Variants in NOS1AP observed in about 807,000 individuals in gnomAD.
NOS1AP encodes nitric oxide synthase 1 adaptor protein.
NOS1AP carries 21 observed loss-of-function variants against 56.2 expected under a neutral mutation model. The observed-to-expected ratio is 0.37, with a 90% CI of 0.26 to 0.54. NOS1AP has a LOEUF of 0.54. NOS1AP is among the 20% of genes least tolerant of loss of function. NOS1AP has a pLI of 0.84. For missense variants in NOS1AP, 522 were observed against 657.8 expected (o/e 0.79, Z 2.26); for synonymous variants, 270 against 274.6 (o/e 0.98, Z 0.17).
intron 2 of NOS1AP, among the ~76,000 whole-genome samples, chr1:162,202,447 A>G (rs10753771): frequency 0.46 from 70,339 of 151,996 alleles, 16,669 homozygotes; most frequent in South Asian, 0.62. Flanking sequence ...TTTGATGTAA[A>G]ATAAAAGGTG....
chr1:162,365,384 C>T lies in NOS1AP; in HGVS notation c.940-20C>T, dbSNP rs776565355. On this transcript the variant is annotated intron_variant, in intron 8 of 9. Transcript: ENST00000361897. ...TCTTCTCTCTGTCCTGTCTTCTCTG[C>T]CGCTGCCTCTTCTCTGCAGGTACAC... 146 of 1,613,942 alleles carry T rather than the reference C, an allele frequency of 9.0e-5. No homozygotes were observed. Among genetic ancestry groups the T allele is most frequent in the Non-Finnish European group, 1.2e-4 (139 of 1,180,022 alleles).
chr1:162,154,708 A>G (rs1397214954), intron 2 of NOS1AP, among the ~76,000 whole-genome samples: 1 of 152,124 alleles, frequency 6.6e-6, no homozygotes, highest in African/African-American at 2.4e-5. Flanking sequence ...CTCTCTTGTG[A>G]CCTGTAGCTC....
At chr1:162,217,826 A>C (rs1185710043) in intron 2 of NOS1AP, among the ~76,000 whole-genome samples, 6 of 152,176 alleles carry the variant, frequency 3.9e-5, no homozygotes, top group Non-Finnish European at 8.8e-5. Flanking sequence ...CTGGTTTATG[A>C]CCGAGACTGG....
intron 1 of NOS1AP, among the ~76,000 whole-genome samples, chr1:162,137,548 G>C (rs1420704202): frequency 3.3e-5 from 5 of 152,110 alleles, no homozygotes; most frequent in African/African-American, 9.7e-5. Context: ...GCACTTAGAA[G>C]TAAACCTCAG....
At position 162,209,035 on chromosome 1, in the gene NOS1AP, A is replaced by G. The variant is rs1468184415; in HGVS notation, c.177+54559A>G. Among the ~76,000 whole-genome samples the G allele has an allele frequency of 3.3e-5, 5 of 152,366 alleles. No individual in the cohort carries two copies. The East Asian group carries it at 5.8e-4, about 18-fold the overall frequency. ...TTCAGAATGCCAACACTGCAGGGGAATGAGCAAATTCTGCAACCCTTTTTC... is the reference window on the plus strand; with the variant it reads ...TTCAGAATGCCAACACTGCAGGGGAGTGAGCAAATTCTGCAACCCTTTTTC... On this transcript the variant is annotated intron_variant, in intron 2 of 9. Transcript: ENST00000361897.
chr1:162,259,146 C>T (rs1483468566), intron 2 of NOS1AP, among the ~76,000 whole-genome samples: 1 of 152,100 alleles, frequency 6.6e-6, no homozygotes, highest in Non-Finnish European at 1.5e-5. Context: ...AGCTTCTCTG[C>T]GACCACCCCG....
At chr1:162,189,374 A>AT (rs140883110) in intron 2 of NOS1AP, among the ~76,000 whole-genome samples, 1 of 152,192 alleles carries the variant, frequency 6.6e-6, no homozygotes, top group African/African-American at 2.4e-5. Context: ...AAAAACTGGT[A>AT]TTTTTTGTTA....
chr1:162,137,686 A>T (rs1207521423), intron 1 of NOS1AP, among the ~76,000 whole-genome samples: 1 of 151,804 alleles, frequency 6.6e-6, no homozygotes, highest in East Asian at 1.9e-4. Flanking sequence ...ACGGATGAAA[A>T]AACTCATGCC....
chr1:162,282,232 G>A (rs1356748064), intron 2 of NOS1AP, among the ~76,000 whole-genome samples: 3 of 152,122 alleles, frequency 2.0e-5, no homozygotes, highest in Non-Finnish European at 4.4e-5. Flanking sequence ...ATGAAACTCT[G>A]TACCTGTTAA....
intron 2 of NOS1AP, among the ~76,000 whole-genome samples, chr1:162,191,946 C>T (rs1651661341): frequency 6.6e-6 from 1 of 152,138 alleles, no homozygotes; most frequent in African/African-American, 2.4e-5. Flanking sequence ...TACTGCTACT[C>T]AGATAGGGAG....
In NOS1AP at chr1:162,217,267, C is replaced by CTTTTTTTTTTTTTTTTTTTTTTTTTTT. The variant is rs61378473; in HGVS notation, c.177+62805_177+62806insTTTTTTTTTTTTTTTTTTTTTTTTTTT. Among the ~76,000 whole-genome samples, 36 of 68,386 alleles carry CTTTTTTTTTTTTTTTTTTTTTTTTTTT rather than the reference C, an allele frequency of 5.3e-4. 10 individuals are homozygous for CTTTTTTTTTTTTTTTTTTTTTTTTTTT. Among genetic ancestry groups the CTTTTTTTTTTTTTTTTTTTTTTTTTTT allele is most frequent in the East Asian group, 2.2e-3 (4 of 1,838 alleles). The allele number at this position is 68,386 out of a possible 152,430, so 44.9% of individuals were successfully genotyped here. ...TGGGTCCTGAAACAGCTGTTGTTAG[C>CTTTTTTTTTTTTTTTTTTTTTTTTTTT]TTTTTTTTTTTTTTGAGATGAAGTC... is the stretch of plus-strand genomic sequence containing the variant. On this transcript the variant is annotated intron_variant, in intron 2 of 9. Coordinates refer to ENST00000361897, the MANE Select transcript of NOS1AP (RefSeq NM_014697.3).
At chr1:162,317,366 A>G (rs911815919) in intron 4 of NOS1AP, 5 of 152,214 alleles carry the variant, frequency 3.3e-5, no homozygotes, top group Non-Finnish European at 7.3e-5. Flanking sequence ...ACATGCGTAC[A>G]CACACGTGCA....
intron 2 of NOS1AP, among the ~76,000 whole-genome samples, chr1:162,212,016 A>T (rs1216647598): frequency 6.6e-6 from 1 of 152,200 alleles, no homozygotes; most frequent in Admixed American, 6.5e-5. Flanking sequence ...AGGAGTGTAA[A>T]CCTAGCTCAT....
At chr1:162,227,903 G>T (rs2101665163) in intron 2 of NOS1AP, among the ~76,000 whole-genome samples, 1 of 152,244 alleles carries the variant, frequency 6.6e-6, no homozygotes, top group South Asian at 2.1e-4. Context: ...GAGAAACCAG[G>T]GAGCAGTCTG....
At chr1:162,350,947 C>A (rs993850710) in intron 6 of NOS1AP, among the ~76,000 whole-genome samples, 1 of 152,174 alleles carries the variant, frequency 6.6e-6, no homozygotes, top group South Asian at 2.1e-4. Flanking sequence ...GACATGACAC[C>A]GCAAGTGGAA....
At chr1:162,184,925 A>G (rs901543027) in intron 2 of NOS1AP, among the ~76,000 whole-genome samples, 9 of 152,240 alleles carry the variant, frequency 5.9e-5, no homozygotes, top group African/African-American at 2.2e-4. Context: ...CAGCACATTT[A>G]TCTTATAGTT....
intron 2 of NOS1AP, among the ~76,000 whole-genome samples, chr1:162,252,652 C>G (rs904794948): frequency 6.6e-6 from 1 of 152,126 alleles, no homozygotes; most frequent in Admixed American, 6.6e-5. Flanking sequence ...TCAAGAATTT[C>G]TATTAATCCC....
At chr1:162,199,006 C>T (rs1245805882) in intron 2 of NOS1AP, among the ~76,000 whole-genome samples, 2 of 152,172 alleles carry the variant, frequency 1.3e-5, no homozygotes, top group Admixed American at 6.5e-5. Flanking sequence ...AACCACTCAA[C>T]TAATATGGGT....
intron 2 of NOS1AP, among the ~76,000 whole-genome samples, chr1:162,200,294 C>T (rs1651949879): frequency 6.6e-6 from 1 of 152,142 alleles, no homozygotes; most frequent in Admixed American, 6.5e-5. Context: ...TCCCATCAGT[C>T]CCAGAACTTG....
Sources: allele counts gnomAD v4.1 joint callset (sites outside exome capture counted in the v4.1 genomes callset), GRCh38; gene constraint gnomAD v4.1.1; transcripts MANE v1.5; gene names NCBI Gene and HGNC (gene_info 2026-07-23, HGNC 2026-07-21).